The following KDM4C variants were observed in gnomAD, a reference collection of about 807,000 sequenced individuals.
KDM4C encodes the protein lysine-specific demethylase 4C.
KDM4C carries 81 observed loss-of-function variants against 129.3 expected under a neutral mutation model. That is an observed-to-expected ratio of 0.63 (90% CI 0.52 to 0.75). KDM4C has a LOEUF of 0.75. KDM4C is among the 30% of genes least tolerant of loss of function. The pLI, the probability that KDM4C is intolerant of heterozygous loss-of-function variation, is 0.00. For synonymous variants in KDM4C, 573 were observed against 456.1 expected (o/e 1.26, Z -3.26); for missense variants, 1,457 against 1,304.0 (o/e 1.12, Z -1.81).
intron 15 of KDM4C, among the ~76,000 whole-genome samples, chr9:7,030,342 A>C (rs1360081085): frequency 1.3e-5 from 2 of 152,216 alleles, no homozygotes; most frequent in East Asian, 3.8e-4. Flanking sequence ...TCATCATTAT[A>C]CATCATTCAT....
chr9:6,959,603 A>C (rs575599408), intron 8 of KDM4C, among the ~76,000 whole-genome samples: 2 of 152,176 alleles, frequency 1.3e-5, no homozygotes, highest in African/African-American at 2.4e-5. Flanking sequence ...ATCTACTGTC[A>C]TTCTATAGAT....
At chr9:6,762,041 G>A (rs1819653442) in intron 1 of KDM4C, among the ~76,000 whole-genome samples, 1 of 151,830 alleles carries the variant, frequency 6.6e-6, no homozygotes, top group Non-Finnish European at 1.5e-5. Flanking sequence ...CTCGTGATCC[G>A]CCTGCCTCGG....
chr9:7,130,319 T>C (rs10976054), intron 19 of KDM4C, among the ~76,000 whole-genome samples: 29,446 of 152,136 alleles, frequency 0.19, 2,911 homozygotes, highest in East Asian at 0.27. Flanking sequence ...TTTTACATCA[T>C]AAGCCTATAC....
upstream of KDM4C, among the ~76,000 whole-genome samples, chr9:6,754,112 G>A (rs906950016): frequency 5.9e-5 from 9 of 151,894 alleles, no homozygotes; most frequent in Non-Finnish European, 1.3e-4. Context: ...CTGACCTCAG[G>A]TGATCCGCCC....
Position 6,758,226 on chromosome 9 carries a change from G to A in KDM4C, c.-18+23G>A. ...CAGGTAACCGCTTTTCCGGAGTCTG[G>A]GGGCCAGGGCGGGGGGAGGGTCCGG... On this transcript the variant is annotated intron_variant, in intron 1 of 21. Transcript: ENST00000381309. The surrounding 1 kb of genome is among the most constrained non-coding windows in gnomAD (Gnocchi z 4.6). The A allele has an allele frequency of 1.0e-6, 1 of 985,044 alleles. No individual in the cohort carries two copies. Among genetic ancestry groups the A allele is most frequent in the Non-Finnish European group, 1.2e-6 (1 of 829,546 alleles). 61.0% of individuals were successfully genotyped at this position (985,044 alleles called of 1,614,324 possible). A position where few individuals can be genotyped will look rare whatever the true frequency, so the allele number is the denominator to read the frequency against.
chr9:6,919,471 T>C (rs938269984), intron 8 of KDM4C, among the ~76,000 whole-genome samples: 7 of 151,770 alleles, frequency 4.6e-5, no homozygotes, highest in South Asian at 2.1e-4. Flanking sequence ...CTTTTCTTTG[T>C]TTTTCTATTT....
intron 6 of KDM4C, among the ~76,000 whole-genome samples, chr9:6,880,729 G>C (rs1844315475): frequency 6.6e-6 from 1 of 152,164 alleles, no homozygotes; most frequent in African/African-American, 2.4e-5. Flanking sequence ...CTCTATTGAT[G>C]ATCCTGTGCC....
chr9:7,137,800 C>T (rs1183177972), intron 19 of KDM4C, among the ~76,000 whole-genome samples: 1 of 152,208 alleles, frequency 6.6e-6, no homozygotes, highest in Non-Finnish European at 1.5e-5. Context: ...GGATATAGCA[C>T]ATAAATTGGT....
At chr9:6,725,012 A>G (rs867072487) in intron 1 of KDM4C, among the ~76,000 whole-genome samples, 27 of 151,998 alleles carry the variant, frequency 1.8e-4, no homozygotes, top group African/African-American at 6.3e-4. Context: ...TGCCTTTTCC[A>G]GTTTCTAGAG....
chr9:6,804,514 A>G (rs201894087), intron 2 of KDM4C, among the ~76,000 whole-genome samples: 1 of 152,146 alleles, frequency 6.6e-6, no homozygotes, highest in Non-Finnish European at 1.5e-5. Flanking sequence ...AATCCCAACA[A>G]TTTGGGAGGC....
intron 18 of KDM4C, among the ~76,000 whole-genome samples, chr9:7,116,295 C>T (rs909231224): frequency 6.6e-6 from 1 of 151,736 alleles, no homozygotes; most frequent in Non-Finnish European, 1.5e-5. Flanking sequence ...GAAGAAAATG[C>T]AAAATTTGGA....
chr9:6,893,252 T>A lies in KDM4C; in HGVS notation c.921+20T>A. 1 of 1,591,958 alleles carries A rather than the reference T, an allele frequency of 6.3e-7. No homozygotes were observed. Among genetic ancestry groups the A allele is most frequent in the Non-Finnish European group, 8.5e-7 (1 of 1,169,862 alleles). ...AAATTGGTAAGCTATGCCTCAAAAA[T>A]AAAGCAAAAATTAAATGTGTATTCT... On this transcript the variant is annotated intron_variant, in intron 8 of 21. Coordinates refer to ENST00000381309, the MANE Select transcript of KDM4C (RefSeq NM_015061.6).
chr9:7,115,075 C>A (rs1838749106), intron 18 of KDM4C, among the ~76,000 whole-genome samples: 1 of 152,022 alleles, frequency 6.6e-6, no homozygotes. Flanking sequence ...CAGAGCAAGA[C>A]CTCCATCTCA....
intron 3 of KDM4C, among the ~76,000 whole-genome samples, chr9:6,814,000 G>A (rs1831628759): frequency 6.6e-6 from 1 of 152,050 alleles, no homozygotes; most frequent in Non-Finnish European, 1.5e-5. Context: ...AACTGTTATT[G>A]TACACATCTC....
chr9:7,031,229 CT>C (rs1826695606), intron 15 of KDM4C, among the ~76,000 whole-genome samples: 1 of 151,768 alleles, frequency 6.6e-6, no homozygotes, highest in African/African-American at 2.4e-5. Context: ...GTGGTGTGAT[CT>C]TGGTTCACTG....
At chr9:7,116,229 G>T (rs1323406) in intron 18 of KDM4C, among the ~76,000 whole-genome samples, 1 of 151,864 alleles carries the variant, frequency 6.6e-6, no homozygotes, top group Non-Finnish European at 1.5e-5. Context: ...TTTGTCCCTC[G>T]AGTGGGCCTT....
At chr9:7,109,202 G>A (rs1319341991) in intron 18 of KDM4C, among the ~76,000 whole-genome samples, 2 of 152,124 alleles carry the variant, frequency 1.3e-5, no homozygotes, top group Non-Finnish European at 2.9e-5. Flanking sequence ...ATATATTTTT[G>A]CTGTACCACA....
chr9:6,742,087 C>G (rs1252379784), intron 1 of KDM4C, among the ~76,000 whole-genome samples: 2 of 151,906 alleles, frequency 1.3e-5, no homozygotes, highest in East Asian at 1.9e-4. Context: ...ATTTTCCTGC[C>G]TCAGCCTCCC....
intron 8 of KDM4C, among the ~76,000 whole-genome samples, chr9:6,968,693 G>A (rs985455410): frequency 1.3e-5 from 2 of 152,058 alleles, no homozygotes; most frequent in African/African-American, 4.8e-5. Flanking sequence ...GTAGTTCAAT[G>A]CCAGTTACTT....
Sources: gnomAD v4.1 joint callset for allele counts (sites outside exome capture counted in the v4.1 genomes callset) on GRCh38, gnomAD v4.1.1 for gene constraint, Gnocchi (gnomAD v3.1) non-coding constraint, MANE v1.5 for transcripts, NCBI Gene and HGNC (gene_info 2026-07-23, HGNC 2026-07-21) for gene names.